The following FANCB variants were observed in gnomAD, a reference collection of about 807,000 sequenced individuals.
FANCB encodes the protein Fanconi anemia group B protein.
FANCB carries 5 observed loss-of-function variants against 38.9 expected under a neutral mutation model. The ratio of observed to expected loss-of-function variants is 0.13; its 90% CI spans 0.07 to 0.27. FANCB has a LOEUF of 0.27. Among genes scored for constraint, FANCB ranks in the 10% least tolerant of loss-of-function variants. The pLI is 1.00. For missense variants in FANCB, 573 were observed against 602.7 expected (o/e 0.95, Z 0.52); for synonymous variants, 236 against 215.4 (o/e 1.10, Z -0.84).
At chrX:14,831,778 A>G (rs1210854364), downstream of FANCB, among the ~76,000 whole-genome samples, 3 of 112,187 alleles carry the variant, frequency 2.7e-5, no homozygotes, top group African/African-American at 6.5e-5. Context: ...TGACAAGACA[A>G]CTGTGGCAGC....
chrX:14,820,152 C>T, the FANCB span, among the ~76,000 whole-genome samples: 2 of 111,020 alleles, frequency 1.8e-5, no homozygotes, highest in Non-Finnish European at 3.8e-5. Flanking sequence ...GATTGGTTCT[C>T]TCTTCCTGGA....
chrX:14,761,079 CTA>C, the FANCB span, among the ~76,000 whole-genome samples: 1 of 112,156 alleles, frequency 8.9e-6, no homozygotes, highest in Non-Finnish European at 1.9e-5. Context: ...CAAATTAAAA[CTA>C]TAAATAGAAC....
chrX:14,864,898 A>C lies in FANCB; in HGVS notation c.613T>G (p.Tyr205Asp), dbSNP rs749082728. 3.3e-6 allele frequency: 4 copies of C among 1,209,245 alleles called. No individual in the cohort carries two copies. In the Admixed American group the frequency reaches 8.7e-5, roughly 26 times the overall value. Residue 205 changes from tyrosine to aspartate, a missense_variant, in exon 3 of 10, where the codon TAT becomes GAT. Coordinates refer to ENST00000650831, the MANE Select transcript of FANCB (RefSeq NM_001018113.3). The part of the protein sequence containing the change: ...ECTQEPSKSD[Y>D]AIWNTKFCVY... ...CAAAATTTGGTATTCCAAATTGCATAATCTGATTTTGAAGGCTCTTGAGTA... is the reference window on the plus strand; with the variant it reads ...CAAAATTTGGTATTCCAAATTGCATCATCTGATTTTGAAGGCTCTTGAGTA...
intron 3 of FANCB, 87 bp from the exon 4 acceptor site, chrX:14,859,421 T>C: frequency 1.5e-6 from 1 of 663,237 alleles, no homozygotes; most frequent in Non-Finnish European, 2.4e-6. Context: ...TTTCATGTAG[T>C]TGTCATTTGT....
the FANCB span, among the ~76,000 whole-genome samples, chrX:14,713,107 A>AGC: frequency 8.9e-6 from 1 of 112,133 alleles, no homozygotes; most frequent in Non-Finnish European, 1.9e-5. Context: ...GAGAAGTTGA[A>AGC]GCACGATAAA....
At chrX:14,795,468 G>C in the FANCB span, among the ~76,000 whole-genome samples, 1 of 111,377 alleles carries the variant, frequency 9.0e-6, no homozygotes, top group Non-Finnish European at 1.9e-5. Flanking sequence ...AGCCAGAAGA[G>C]AGGAAAAGGG....
the FANCB span, among the ~76,000 whole-genome samples, chrX:14,762,630 C>A: frequency 8.9e-6 from 1 of 111,933 alleles, no homozygotes; most frequent in Admixed American, 9.5e-5. Context: ...AGCAAGCCAC[C>A]GAATCTACCA....
At chrX:14,819,170 T>A in the FANCB span, among the ~76,000 whole-genome samples, 297 of 111,968 alleles carry the variant, frequency 2.7e-3, 1 homozygote, top group Middle Eastern at 0.018. Context: ...GCAGCTCAGG[T>A]CTAGAAGATG....
At chrX:14,821,701 G>T in the FANCB span, among the ~76,000 whole-genome samples, 1 of 111,557 alleles carries the variant, frequency 9.0e-6, no homozygotes. Flanking sequence ...TAAGCCCCCA[G>T]AACTGAAGCC....
At chrX:14,696,336 CTG>C in the FANCB span, among the ~76,000 whole-genome samples, 2 of 110,109 alleles carry the variant, frequency 1.8e-5, no homozygotes, top group South Asian at 7.8e-4. Context: ...GGAAGAGACA[CTG>C]TATTCAAGAG....
chrX:14,861,347 G>A (rs1403009177), intron 3 of FANCB, among the ~76,000 whole-genome samples: 2 of 111,768 alleles, frequency 1.8e-5, no homozygotes, highest in South Asian at 3.7e-4. Context: ...TCATGCCTCG[G>A]GCTTTTATGA....
At chrX:14,854,793 C>G (rs2092416788) in intron 5 of FANCB, among the ~76,000 whole-genome samples, 2 of 111,736 alleles carry the variant, frequency 1.8e-5, no homozygotes, top group South Asian at 3.7e-4. Context: ...CCAGGAGCTG[C>G]CCAGGGGCCC....
chrX:14,830,737 C>T, the FANCB span, among the ~76,000 whole-genome samples: 1 of 111,496 alleles, frequency 9.0e-6, no homozygotes, highest in South Asian at 3.8e-4. Context: ...TGCCACGTGC[C>T]GACATAAATT....
At chrX:14,776,487 G>C in the FANCB span, among the ~76,000 whole-genome samples, 1 of 111,809 alleles carries the variant, frequency 8.9e-6, no homozygotes, top group East Asian at 2.8e-4. Context: ...AAAATAAAGA[G>C]GTTGTGCTAT....
chrX:14,869,272 A>G (rs777351754), intron 1 of FANCB: 2 of 112,126 alleles, frequency 1.8e-5, no homozygotes, highest in East Asian at 2.8e-4. Flanking sequence ...TATGAATTTT[A>G]TTATTTTAAT....
At chrX:14,704,530 T>C in the FANCB span, among the ~76,000 whole-genome samples, 1 of 112,351 alleles carries the variant, frequency 8.9e-6, no homozygotes, top group Non-Finnish European at 1.9e-5. Context: ...TGCCTAATCA[T>C]AGTAGTAATT....
the FANCB span, among the ~76,000 whole-genome samples, chrX:14,803,314 C>T: frequency 8.9e-6 from 1 of 111,803 alleles, no homozygotes; most frequent in African/African-American, 3.3e-5. Context: ...TCAAGTTCTC[C>T]CAAAGGGAAT....
At chrX:14,721,822 C>G in the FANCB span, among the ~76,000 whole-genome samples, 1 of 111,496 alleles carries the variant, frequency 9.0e-6, no homozygotes, top group East Asian at 2.8e-4. Flanking sequence ...AGCTAAAAGC[C>G]AAGCAGCATC....
the FANCB span, among the ~76,000 whole-genome samples, chrX:14,770,522 T>C: frequency 8.9e-6 from 1 of 112,299 alleles, no homozygotes; most frequent in Non-Finnish European, 1.9e-5. Flanking sequence ...TTTGAGCCTA[T>C]GTGTGTCTTT....
Sources: gnomAD v4.1 joint callset for allele counts (sites outside exome capture counted in the v4.1 genomes callset) on GRCh38, gnomAD v4.1.1 for gene constraint, MANE v1.5 for transcripts, NCBI Gene and HGNC (gene_info 2026-07-23, HGNC 2026-07-21) for gene names.